MAPK9: variants seen among roughly 807,000 people sequenced by gnomAD.
The protein encoded by MAPK9 is Jun kinase.
MAPK9 carries 30 observed loss-of-function variants against 57.1 expected under a neutral mutation model. The ratio of observed to expected loss-of-function variants is 0.53; its 90% confidence interval spans 0.39 to 0.71. The LOEUF is 0.71. Ranked by LOEUF, MAPK9 falls within the 30% of genes least tolerant of loss-of-function variation. The pLI is 0.00. For missense variants in MAPK9, 362 were observed against 521.0 expected (o/e 0.69, Z 2.97); for synonymous variants, 155 against 177.0 (o/e 0.88, Z 0.99).
At chr5:180,236,602 C>G in intron 11 of MAPK9, 76 bp from the exon 12 acceptor site, 1 of 1,511,454 alleles carries the variant, frequency 6.6e-7, no homozygotes, top group Middle Eastern at 1.8e-4. Context: ...GACTGCAGGC[C>G]ATTTCTCGGC....
chr5:180,244,297 C>T (rs185396708), intron 7 of MAPK9, among the ~76,000 whole-genome samples: 1 of 152,178 alleles, frequency 6.6e-6, no homozygotes, highest in Admixed American at 6.5e-5. Flanking sequence ...CCCTAACCCC[C>T]CTGACTCAAG....
At chr5:180,273,636 T>G (rs1761562515) in intron 2 of MAPK9, among the ~76,000 whole-genome samples, 1 of 152,264 alleles carries the variant, frequency 6.6e-6, no homozygotes, top group Non-Finnish European at 1.5e-5. Flanking sequence ...GCCTTATATA[T>G]TTACAGCAAT....
At chr5:180,288,050 C>T (rs755214459) in intron 1 of MAPK9, among the ~76,000 whole-genome samples, 2 of 152,160 alleles carry the variant, frequency 1.3e-5, no homozygotes, top group African/African-American at 2.4e-5. Context: ...CGATTGCACT[C>T]ATCTGCAACA....
intron 1 of MAPK9, among the ~76,000 whole-genome samples, chr5:180,288,358 A>G (rs77249190): frequency 0.15 from 22,941 of 152,164 alleles, 2,100 homozygotes; most frequent in Middle Eastern, 0.2. Flanking sequence ...CGTATCATCC[A>G]ATCAACAACG....
chr5:180,240,356 C>A (rs1218954680), intron 9 of MAPK9, among the ~76,000 whole-genome samples: 1 of 152,210 alleles, frequency 6.6e-6, no homozygotes, highest in East Asian at 1.9e-4. Flanking sequence ...ACAAATTTTA[C>A]ATTTTCTTCA....
intron 1 of MAPK9, among the ~76,000 whole-genome samples, chr5:180,281,726 A>G (rs746458246): frequency 6.6e-6 from 1 of 152,224 alleles, no homozygotes; most frequent in Non-Finnish European, 1.5e-5. Flanking sequence ...TGGATTAATA[A>G]CAAGTCTAAA....
intron 1 of MAPK9, among the ~76,000 whole-genome samples, chr5:180,285,936 CG>C (rs941613013): frequency 4.0e-5 from 6 of 150,376 alleles, no homozygotes; most frequent in African/African-American, 4.9e-5. Flanking sequence ...AAAAATTAGC[CG>C]GGTGTGGTGG....
At chr5:180,257,568 T>A (rs1242010949) in intron 5 of MAPK9, 1 of 152,260 alleles carries the variant, frequency 6.6e-6, no homozygotes, top group East Asian at 1.9e-4. Context: ...TTTAATTGTT[T>A]TTTAGAAAAA....
At chr5:180,254,155 C>CA (rs1759019381) in intron 5 of MAPK9, among the ~76,000 whole-genome samples, 1 of 152,214 alleles carries the variant, frequency 6.6e-6, no homozygotes, top group East Asian at 1.9e-4. Flanking sequence ...TTAGTAGAGA[C>CA]AGAGTTTCAC....
In MAPK9 at chr5:180,252,689, C is replaced by T. The variant is rs10038135; in HGVS notation, c.451-3551G>A. Among the ~76,000 whole-genome samples the T allele has an allele frequency of 8.0e-3, 1,222 of 152,252 alleles. 15 individuals carry two copies. Among genetic ancestry groups the T allele is most frequent in the African/African-American group, 0.028 (1,158 of 41,540 alleles). On this transcript the variant is annotated intron_variant, in intron 5 of 11. Transcript: ENST00000452135. ...GGCTACACACTGAGGACTGGGGAGA[C>T]GGCCACTGGGTGGCCTGGGACCCTG...
At chr5:180,254,098 C>G (rs767000304) in intron 5 of MAPK9, among the ~76,000 whole-genome samples, 10 of 151,216 alleles carry the variant, frequency 6.6e-5, no homozygotes, top group Non-Finnish European at 1.2e-4. Context: ...TCCTGACTAG[C>G]TGGGATTATA....
intron 5 of MAPK9, among the ~76,000 whole-genome samples, chr5:180,254,772 A>ATGCC (rs1319618613): frequency 6.6e-6 from 1 of 152,244 alleles, no homozygotes; most frequent in East Asian, 1.9e-4. Context: ...ACAGTGGCTC[A>ATGCC]TGCCTGTAAT....
chr5:180,265,515 T>C (rs1005303099), intron 3 of MAPK9, among the ~76,000 whole-genome samples: 1 of 152,226 alleles, frequency 6.6e-6, no homozygotes, highest in African/African-American at 2.4e-5. Context: ...CTCTTTACTT[T>C]TCTCTCTCCT....
chr5:180,241,257 T>C (rs1757628925), intron 8 of MAPK9, 102 bp from the exon 9 acceptor site: 4 of 1,228,342 alleles, frequency 3.3e-6, no homozygotes, highest in Non-Finnish European at 4.4e-6. Context: ...CAAAGATATA[T>C]TAATTTTGAG....
At chr5:180,281,594 C>T (rs949378550) in intron 1 of MAPK9, among the ~76,000 whole-genome samples, 1 of 152,256 alleles carries the variant, frequency 6.6e-6, no homozygotes, top group Non-Finnish European at 1.5e-5. Context: ...TTCTACAGCT[C>T]TGTCAAATCC....
chr5:180,276,034 T>G (rs1314213045), intron 2 of MAPK9, among the ~76,000 whole-genome samples: 1 of 152,208 alleles, frequency 6.6e-6, no homozygotes, highest in African/African-American at 2.4e-5. Flanking sequence ...TTGAGGCCCA[T>G]AAAGAAACTG....
intron 5 of MAPK9, among the ~76,000 whole-genome samples, chr5:180,257,027 A>G (rs1759363152): frequency 6.6e-6 from 1 of 152,212 alleles, no homozygotes; most frequent in Admixed American, 6.5e-5. Flanking sequence ...TCAGAAGCCT[A>G]GTGTTACTAT....
intron 1 of MAPK9, among the ~76,000 whole-genome samples, chr5:180,282,636 C>T (rs1213365767): frequency 6.6e-6 from 1 of 152,172 alleles, no homozygotes; most frequent in African/African-American, 2.4e-5. Context: ...GCTTGGCTAG[C>T]GGGGTACAAG....
At chr5:180,239,826 C>A in intron 10 of MAPK9, 98 bp downstream of exon 10, 1 of 1,197,460 alleles carries the variant, frequency 8.4e-7, no homozygotes, top group East Asian at 2.4e-5. Flanking sequence ...GGGTTTCTTG[C>A]CCCTTCCTGA....
Sources: allele counts gnomAD v4.1 joint callset (sites outside exome capture counted in the v4.1 genomes callset), GRCh38; gene constraint gnomAD v4.1.1; transcripts MANE v1.5; gene names NCBI Gene and HGNC (gene_info 2026-07-23, HGNC 2026-07-21).